WEE2: variants seen among roughly 807,000 people sequenced by gnomAD.
WEE2 encodes wee1-like protein kinase 2.
WEE2 carries 50 observed loss-of-function variants against 60.1 expected under a neutral mutation model. The ratio of observed to expected loss-of-function variants is 0.83; its 90% CI spans 0.66 to 1.05. The LOEUF is 1.05. Among genes scored for constraint, WEE2 ranks in the 50% least tolerant of loss-of-function variants. The pLI, the probability that WEE2 is intolerant of heterozygous loss-of-function variation, is 0.00. For missense variants in WEE2, 631 were observed against 684.3 expected (o/e 0.92, Z 0.87); for synonymous variants, 240 against 241.0 (o/e 1.00, Z 0.04).
At position 141,717,828 on chromosome 7, in the gene WEE2, G is replaced by C. The variant is rs578138005; in HGVS notation, c.586-1244G>C. 1.8e-4 allele frequency among the ~76,000 whole-genome samples: 28 copies of C among 152,242 alleles called. No homozygotes were observed. In the South Asian group the frequency reaches 5.8e-3, roughly 32 times the overall value. ...GGTGTAAGAGGGGTATGGTGGGTGG[G>C]GAGTGGTCAGGGATAGATGCAGATG... On this transcript the variant is annotated intron_variant, in intron 3 of 11. Transcript: ENST00000397541.
intron 3 of WEE2, among the ~76,000 whole-genome samples, chr7:141,718,597 G>C (rs1374054932): frequency 6.6e-6 from 1 of 152,058 alleles, no homozygotes; most frequent in Non-Finnish European, 1.5e-5. Flanking sequence ...CTCCAGGCTG[G>C]TATTTTTGGG....
At position 141,729,806 on chromosome 7, in the gene WEE2, G is replaced by A; in HGVS notation, c.1678+133G>A. On this transcript the variant is annotated intron_variant, in intron 11 of 11. Transcript: ENST00000397541. ...GATCGAAACCATCCTGGCTAACACG[G>A]TGAAACCCCATCTCTACTAAAAATA... 6.7e-6 allele frequency: 7 copies of A among 1,039,198 alleles called. 1 individual carries two copies. The highest frequency in any genetic ancestry group is 9.5e-6 in the Non-Finnish European group (7 of 733,028). 64.4% of individuals were successfully genotyped at this position (1,039,198 alleles called of 1,614,324 possible).
chr7:141,709,691 C>T lies in WEE2; in HGVS notation c.342+591C>T, dbSNP rs1015026470. The stretch of plus-strand genomic sequence containing the variant: ...CCTCCTTGGTCTAATAGAAGAACCT[C>T]CAGGTTCTTCTAGTATATGTCAGCA... On this transcript the variant is annotated intron_variant, in intron 1 of 11. Transcript: ENST00000397541. Among the ~76,000 whole-genome samples, 3 of 152,206 alleles carry T rather than the reference C, an allele frequency of 2.0e-5. No individual in the cohort carries two copies. The East Asian group carries it at 5.8e-4, about 29-fold the overall frequency.
At position 141,719,086 on chromosome 7, in the gene WEE2, A is replaced by G; in HGVS notation, c.600A>G (p.Arg200=). The G allele has an allele frequency of 6.2e-7, 1 of 1,613,752 alleles. No homozygotes were observed. Among genetic ancestry groups the G allele is most frequent in the Non-Finnish European group, 8.5e-7 (1 of 1,179,902 alleles). Residue 200 remains arginine, a synonymous_variant, in exon 4 of 12, where the codon CGA becomes CGG. Transcript: ENST00000397541. Reference sequence around the variant, plus strand: ...AAATACTTTAGAGATGTGTTTTACGAGAAACCAACATGGCTTCCCGCTATG... The same window carrying G: ...AAATACTTTAGAGATGTGTTTTACGGGAAACCAACATGGCTTCCCGCTATG... The part of the protein sequence containing the change: ...GGLPAKRCVL[R]ETNMASRYEK...
chr7:141,720,908 A>G (rs1029757692), intron 4 of WEE2, 27 bp from the exon 5 acceptor site: 1 of 1,601,214 alleles, frequency 6.2e-7, no homozygotes, highest in African/African-American at 1.3e-5. Flanking sequence ...TGATGTTTTT[A>G]TTCCTCAATG....
chr7:141,727,227 T>C, intron 9 of WEE2, 77 bp from the exon 10 acceptor site: 1 of 1,489,186 alleles, frequency 6.7e-7, no homozygotes, highest in Non-Finnish European at 9.1e-7. Context: ...AGAAGCTGGG[T>C]TGGAGTTGGC....
intron 5 of WEE2, among the ~76,000 whole-genome samples, chr7:141,722,596 T>G (rs896056086): frequency 2.6e-5 from 4 of 152,218 alleles, no homozygotes; most frequent in Non-Finnish European, 5.9e-5. Context: ...AGTCATTAAA[T>G]ATTTTATGAT....
Position 141,720,527 on chromosome 7 carries a change from A to G in WEE2, c.759-408A>G, listed in dbSNP as rs551345632. Reference sequence around the variant, plus strand: ...TTGCAATATCCACAATCTGGTGTACAGTGGCCTTCTCGTTAAGCCCATTAA... The same window carrying G: ...TTGCAATATCCACAATCTGGTGTACGGTGGCCTTCTCGTTAAGCCCATTAA... On this transcript the variant is annotated intron_variant, in intron 4 of 11. Transcript: ENST00000397541. Among the ~76,000 whole-genome samples the G allele has an allele frequency of 4.3e-4, 65 of 152,318 alleles. 1 individual carries two copies. The South Asian group carries it at 8.7e-3, about 20-fold the overall frequency.
Position 141,708,646 on chromosome 7 carries a change from C to T in WEE2, c.-113C>T, listed in dbSNP as rs1798658371. 5.8e-6 allele frequency: 5 copies of T among 864,082 alleles called. No homozygotes were observed. The Admixed American group carries it at 1.2e-4, about 20-fold the overall frequency. The allele number at this position is 864,082 out of a possible 1,614,324, so 53.5% of individuals were successfully genotyped here. A position where few individuals can be genotyped will look rare whatever the true frequency, so the allele number is the denominator to read the frequency against. ...GTTAGTTGGTAGAGGGAAATTCAGG[C>T]TACCGTCGCGAAACCTGCAGGTTAA... is the stretch of plus-strand genomic sequence containing the variant. On this transcript the variant is annotated 5_prime_UTR_variant, in exon 1 of 12. Transcript: ENST00000397541.
At chr7:141,721,976 C>A (rs1263874039) in intron 5 of WEE2, among the ~76,000 whole-genome samples, 4 of 152,210 alleles carry the variant, frequency 2.6e-5, no homozygotes, top group Admixed American at 2.0e-4. Flanking sequence ...CAATTTTACA[C>A]AGAATGCATT....
intron 8 of WEE2, 89 bp from the exon 9 acceptor site, chr7:141,724,937 C>A (rs1246964052): frequency 6.9e-6 from 10 of 1,456,086 alleles, no homozygotes; most frequent in Non-Finnish European, 9.3e-6. Context: ...CTTATATGCA[C>A]TCGAATGAAC....
chr7:141,709,892 G>A (rs1158938525), intron 1 of WEE2, among the ~76,000 whole-genome samples: 1 of 152,134 alleles, frequency 6.6e-6, no homozygotes, highest in Non-Finnish European at 1.5e-5. Flanking sequence ...TGGTGTGTGA[G>A]TCCTAGGATT....
intron 6 of WEE2, 39 bp downstream of exon 6, chr7:141,723,319 GTTCT>G (rs1490320330): frequency 1.2e-6 from 2 of 1,602,010 alleles, no homozygotes; most frequent in African/African-American, 1.3e-5. Context: ...ACCGTATTTT[GTTCT>G]TTCTATGCTA....
intron 1 of WEE2, 67 bp downstream of exon 1, chr7:141,709,167 T>C: frequency 2.3e-6 from 3 of 1,328,576 alleles, no homozygotes; most frequent in Non-Finnish European, 1.1e-6. Flanking sequence ...GTTTAGCTGA[T>C]AGAGTGGATT....
Position 141,725,030 on chromosome 7 carries a change from A to G in WEE2, c.1226A>G (p.Tyr409Cys), listed in dbSNP as rs1488008231. The change falls in exon 9 of 12, where the codon TAC becomes TGC. Residue 409 changes from tyrosine to cysteine, a missense_variant. Transcript: ENST00000397541. ...FLANEILQED[Y>C]RHLPKADIFA... Reference sequence around the variant, plus strand: ...TTCCTGTCTTCTGTTTTGAAGGATTACCGGCACCTTCCCAAAGCAGACATA... The same window carrying G: ...TTCCTGTCTTCTGTTTTGAAGGATTGCCGGCACCTTCCCAAAGCAGACATA... 6.2e-7 allele frequency: 1 copy of G among 1,613,448 alleles called. No homozygotes were observed. The highest frequency in any genetic ancestry group is 8.5e-7 in the Non-Finnish European group (1 of 1,179,616).
In WEE2 at chr7:141,725,691, G is replaced by A. The variant is rs543735394; in HGVS notation, c.1392+495G>A. On this transcript the variant is annotated intron_variant, in intron 9 of 11. Transcript: ENST00000397541. The stretch of plus-strand genomic sequence containing the variant: ...ATCGAGAATTTCTTAAGGAAACTCG[G>A]AGGATATTGTAAAATCTTTTCATGC... Among the ~76,000 whole-genome samples, 27 of 151,442 alleles carry A rather than the reference G, an allele frequency of 1.8e-4. No homozygotes were observed. The South Asian group carries it at 5.2e-3, about 29-fold the overall frequency.
chr7:141,725,406 C>A (rs1001337771), intron 9 of WEE2, among the ~76,000 whole-genome samples: 3 of 152,026 alleles, frequency 2.0e-5, no homozygotes, highest in African/African-American at 7.2e-5. Flanking sequence ...GAGGGTGGAC[C>A]ACAAGGTCAG....
chr7:141,708,977 C>T lies in WEE2; in HGVS notation c.219C>T (p.Asp73=). 6.2e-7 allele frequency: 1 copy of T among 1,614,128 alleles called. No individual in the cohort carries two copies. The highest frequency in any genetic ancestry group is 8.5e-7 in the Non-Finnish European group (1 of 1,180,010). ...VHELDTSSEK[D]KESPDQILRT... ...AGCTCGACACATCTTCGGAAAAAGA[C>T]AAAGAAAGTCCAGATCAGATTTTGA... Residue 73 remains aspartate (D), a synonymous_variant, in exon 1 of 12, where the codon GAC becomes GAT. Coordinates refer to ENST00000397541, the MANE Select transcript of WEE2 (RefSeq NM_001105558.1).
intron 10 of WEE2, 190 bp downstream of exon 10, chr7:141,727,636 T>C: frequency 1.6e-6 from 1 of 632,254 alleles, no homozygotes; most frequent in African/African-American, 1.8e-5. Flanking sequence ...GCTCTGTGAT[T>C]AGGTTGCTTG....
Sources: allele counts gnomAD v4.1 joint callset (sites outside exome capture counted in the v4.1 genomes callset), GRCh38; gene constraint gnomAD v4.1.1; transcripts MANE v1.5; gene names NCBI Gene and HGNC (gene_info 2026-07-23, HGNC 2026-07-21).